GUCY2C: variants seen among roughly 807,000 people sequenced by gnomAD.
GUCY2C encodes the protein guanylate cyclase 2C.
In GUCY2C, 118 loss-of-function variants were observed where a neutral mutation model predicts 131.1. That is an observed-to-expected ratio of 0.90 (90% confidence interval 0.78 to 1.05). GUCY2C has a LOEUF of 1.05. Among genes scored for constraint, GUCY2C ranks in the 50% least tolerant of loss-of-function variants. GUCY2C has a pLI of 0.00. For synonymous variants in GUCY2C, 452 were observed against 457.8 expected (o/e 0.99, Z 0.16); for missense variants, 1,161 against 1,304.4 (o/e 0.89, Z 1.69).
At chr12:14,659,507 C>A (rs991624911) in intron 11 of GUCY2C, among the ~76,000 whole-genome samples, 1 of 152,166 alleles carries the variant, frequency 6.6e-6, no homozygotes, top group Admixed American at 6.6e-5. Flanking sequence ...TTCTCAAGGC[C>A]ATGCCTTCCT....
intron 23 of GUCY2C, among the ~76,000 whole-genome samples, chr12:14,620,040 T>C (rs368303377): frequency 6.6e-6 from 1 of 152,244 alleles, no homozygotes; most frequent in South Asian, 2.1e-4. Context: ...AATGCCTGGC[T>C]AAAGATTCAT....
intron 6 of GUCY2C, 73 bp from the exon 7 acceptor site, chr12:14,677,044 C>A: frequency 2.1e-6 from 1 of 485,982 alleles, no homozygotes. Context: ...TTCACACAAA[C>A]TATACCATCA....
chr12:14,672,261 AC>A (rs1315950766), intron 9 of GUCY2C: 1 of 152,188 alleles, frequency 6.6e-6, no homozygotes, highest in Admixed American at 6.5e-5. Context: ...TTAAATGCTG[AC>A]CAGCCGTCAA....
chr12:14,641,244 C>T, intron 17 of GUCY2C, 25 bp from the exon 18 acceptor site: 1 of 1,611,264 alleles, frequency 6.2e-7, no homozygotes, highest in Non-Finnish European at 8.5e-7. Flanking sequence ...ATTGAGATTA[C>T]AAAGTTGAGG....
In GUCY2C at chr12:14,669,664, T is replaced by G. The variant is rs1300833441; in HGVS notation, c.1282+58A>C. The G allele has an allele frequency of 9.4e-6, 8 of 851,886 alleles. No individual in the cohort carries two copies. The Admixed American group carries it at 1.5e-4, about 16-fold the overall frequency. The allele number at this position is 851,886 out of a possible 1,614,324, so 52.8% of individuals were successfully genotyped here. ...GGCTAATTACATAAACAATAGACTT[T>G]ACTTTTCTTACCAGGAAAACAGTGT... On this transcript the variant is annotated intron_variant, in intron 10 of 26. Coordinates refer to ENST00000261170, the MANE Select transcript of GUCY2C (RefSeq NM_004963.4).
chr12:14,645,460 AC>A, intron 15 of GUCY2C, 145 bp from the exon 16 acceptor site: 1 of 574,318 alleles, frequency 1.7e-6, no homozygotes, highest in Non-Finnish European at 3.1e-6. Flanking sequence ...GATTTCATGA[AC>A]CTGTGTTTTT....
chr12:14,627,081 C>T (rs551325364), intron 20 of GUCY2C, among the ~76,000 whole-genome samples: 28 of 152,270 alleles, frequency 1.8e-4, no homozygotes, highest in Non-Finnish European at 2.9e-4. Flanking sequence ...GGAGGTATGA[C>T]AAGCCTTGGT....
At position 14,621,161 on chromosome 12, in the gene GUCY2C, C is replaced by A; in HGVS notation, c.2657G>T (p.Gly886Val). The change falls in exon 23 of 27, where the codon GGC becomes GTC. Residue 886 changes from glycine (G) to valine (V), a missense_variant. Physicochemically the swap from Gly to Val is moderately radical, Grantham distance 109 (BLOSUM62 -3). Coordinates refer to ENST00000261170, the MANE Select transcript of GUCY2C (RefSeq NM_004963.4). The stretch of plus-strand genomic sequence containing the variant: ...GGCAATGTCTATTGCATGCCGATTG[C>A]CATTTCTCTTAGGCAAACCACTAGC... ...MVASGLPKRN[G>V]NRHAIDIAKM... 6.2e-7 allele frequency: 1 copy of A among 1,613,802 alleles called. No individual in the cohort carries two copies. The highest frequency in any genetic ancestry group is 8.5e-7 in the Non-Finnish European group (1 of 1,179,844).
At chr12:14,650,142 A>G (rs1026091945) in intron 15 of GUCY2C, among the ~76,000 whole-genome samples, 12 of 152,076 alleles carry the variant, frequency 7.9e-5, no homozygotes, top group African/African-American at 2.9e-4. Context: ...ATTCTATCCT[A>G]TTTTATTTGA....
chr12:14,695,185 G>A (rs902651489), intron 1 of GUCY2C, among the ~76,000 whole-genome samples: 5 of 152,052 alleles, frequency 3.3e-5, no homozygotes, highest in African/African-American at 9.7e-5. Flanking sequence ...CACCAACCAC[G>A]TTCTTAAAAA....
intron 9 of GUCY2C, among the ~76,000 whole-genome samples, chr12:14,671,173 ACCCTCAAAATGTT>A (rs1240403899): frequency 6.6e-6 from 1 of 151,888 alleles, no homozygotes; most frequent in East Asian, 1.9e-4. Context: ...TTACCAGTGT[ACCCTCAAAATGTT>A]CTGGACAGCA....
chr12:14,693,883 C>A (rs976308914), intron 1 of GUCY2C, among the ~76,000 whole-genome samples: 3 of 152,190 alleles, frequency 2.0e-5, no homozygotes, highest in Non-Finnish European at 4.4e-5. Context: ...GCATCAGGGA[C>A]CAAGGCTCTA....
At chr12:14,644,155 C>T (rs2137025017) in intron 16 of GUCY2C, among the ~76,000 whole-genome samples, 1 of 152,124 alleles carries the variant, frequency 6.6e-6, no homozygotes, top group East Asian at 2.0e-4. Flanking sequence ...TGGTTTCATC[C>T]TATTTTGAAG....
Position 14,674,749 on chromosome 12 carries a change from G to T in GUCY2C, c.960C>A (p.Asp320Glu). Residue 320 changes from aspartate (D) to glutamate (E), a missense_variant, in exon 8 of 27, where the codon GAC becomes GAA. Transcript: ENST00000261170. ...FSRNLSPTKRDFALAYLNGIL... is the reference protein window; with the variant it reads ...FSRNLSPTKREFALAYLNGIL... Reference sequence around the variant, plus strand: ...TTCCATTCAAATAGGCAAGAGCAAAGTCTCGTTTTGTCTAAATAAAAAAGG... The same window carrying T: ...TTCCATTCAAATAGGCAAGAGCAAATTCTCGTTTTGTCTAAATAAAAAAGG... 6.2e-7 allele frequency: 1 copy of T among 1,600,740 alleles called. No individual in the cohort carries two copies. Among genetic ancestry groups the T allele is most frequent in the Non-Finnish European group, 8.5e-7 (1 of 1,174,390 alleles).
chr12:14,681,225 C>G, intron 5 of GUCY2C, 131 bp downstream of exon 5: 1 of 770,928 alleles, frequency 1.3e-6, no homozygotes, highest in Non-Finnish European at 2.1e-6. Flanking sequence ...TATAGATCTC[C>G]CAAAATATAC....
At chr12:14,622,672 AT>A (rs1208513133) in intron 21 of GUCY2C, among the ~76,000 whole-genome samples, 1 of 152,232 alleles carries the variant, frequency 6.6e-6, no homozygotes, top group African/African-American at 2.4e-5. Context: ...GTAATATGGC[AT>A]TGCTTAATAT....
Position 14,653,002 on chromosome 12 carries a change from T to C in GUCY2C, c.1483A>G (p.Lys495Glu), listed in dbSNP as rs1947695708. ...AGTCTCTGGATTGTATCTCGTCTTT[T>C]GTCATCATCGATCTGGCACAAGAAA... The part of the protein sequence containing the change: ...NHVSLKIDDD[K>E]RRDTIQRLRQ... Residue 495 changes from lysine to glutamate, a missense_variant, in exon 13 of 27, where the codon AAA (lysine) becomes GAA (glutamate). Transcript: ENST00000261170. 1.2e-6 allele frequency: 2 copies of C among 1,611,178 alleles called. No homozygotes were observed. The highest frequency in any genetic ancestry group is 1.7e-6 in the Non-Finnish European group (2 of 1,177,406).
chr12:14,687,629 A>G (rs1224365649), intron 2 of GUCY2C, among the ~76,000 whole-genome samples: 2 of 152,314 alleles, frequency 1.3e-5, no homozygotes, highest in East Asian at 3.9e-4. Context: ...CAAAAAACAA[A>G]CAAACAAACA....
intron 15 of GUCY2C, 35 bp downstream of exon 15, chr12:14,651,372 T>C (rs1051837094): frequency 1.0e-6 from 1 of 978,698 alleles, no homozygotes; most frequent in Non-Finnish European, 1.6e-6. Flanking sequence ...TATTTTTATA[T>C]GATTAGAAAA....
Sources: allele counts gnomAD v4.1 joint callset (sites outside exome capture counted in the v4.1 genomes callset), GRCh38; gene constraint gnomAD v4.1.1; transcripts MANE v1.5; gene names NCBI Gene and HGNC (gene_info 2026-07-23, HGNC 2026-07-21).